The following HRH1 variants were observed in gnomAD, a reference collection of about 807,000 sequenced individuals.
The protein encoded by HRH1 is histamine H1 receptor.
HRH1 carries 6 observed loss-of-function variants against 10.3 expected under a neutral mutation model. The observed-to-expected ratio is 0.58, with a 90% CI of 0.32 to 1.15. HRH1 has a LOEUF of 1.15. Ranked by LOEUF, HRH1 falls within the 50% of genes most tolerant of loss-of-function variation. The pLI is 0.05. For synonymous variants in HRH1, 242 were observed against 236.7 expected (o/e 1.02, Z -0.21); for missense variants, 514 against 615.3 (o/e 0.84, Z 1.74).
At chr3:11,234,001 TC>T (rs781093255) in intron 1 of HRH1, among the ~76,000 whole-genome samples, 4 of 152,144 alleles carry the variant, frequency 2.6e-5, no homozygotes, top group Non-Finnish European at 4.4e-5. Context: ...GTGGCAAAAT[TC>T]AGGGCAATCT....
At position 11,245,897 on chromosome 3, in the gene HRH1, A is replaced by G. The variant is rs78328516; in HGVS notation, c.-35-13106A>G. Among the ~76,000 whole-genome samples the G allele has an allele frequency of 4.9e-3, 752 of 152,120 alleles. 8 individuals carry two copies. Among genetic ancestry groups the G allele is most frequent in the African/African-American group, 0.017 (711 of 41,502 alleles). ...CCCGAACTGTTTACTCAAGGTGCACATGCTCTCACACACACACTCTTAGAC... is the reference window on the plus strand; with the variant it reads ...CCCGAACTGTTTACTCAAGGTGCACGTGCTCTCACACACACACTCTTAGAC... On this transcript the variant is annotated intron_variant, in intron 1 of 1. Transcript: ENST00000431010.
intron 1 of HRH1, among the ~76,000 whole-genome samples, chr3:11,159,837 G>C (rs1430810413): frequency 1.3e-5 from 2 of 152,222 alleles, no homozygotes; most frequent in Non-Finnish European, 2.9e-5. Context: ...CTAACGTGGA[G>C]GGTAGGGAGG....
intron 1 of HRH1, among the ~76,000 whole-genome samples, chr3:11,251,959 G>A (rs1939664806): frequency 6.6e-6 from 1 of 152,204 alleles, no homozygotes; most frequent in Non-Finnish European, 1.5e-5. Context: ...GGTTGGGAGT[G>A]GCCTCCGTGC....
intron 1 of HRH1, among the ~76,000 whole-genome samples, chr3:11,169,068 G>C (rs770973747): frequency 2.6e-5 from 4 of 152,218 alleles, no homozygotes; most frequent in African/African-American, 9.6e-5. Flanking sequence ...GGGTGGTATA[G>C]TGATTAAAGG....
Position 11,247,299 on chromosome 3 carries a change from G to A in HRH1, c.-35-11704G>A, listed in dbSNP as rs928579124. Among the ~76,000 whole-genome samples, 8 of 152,160 alleles carry A rather than the reference G, an allele frequency of 5.3e-5. No homozygotes were observed. In the South Asian group the frequency reaches 6.2e-4, roughly 12 times the overall value. ...CTGGTGCCGCAAAGAAAAACAGCACGTAGGCAGAAAATTCCTCAGCAAGGC... is the reference window on the plus strand; with the variant it reads ...CTGGTGCCGCAAAGAAAAACAGCACATAGGCAGAAAATTCCTCAGCAAGGC... On this transcript the variant is annotated intron_variant, in intron 1 of 1. Coordinates refer to ENST00000431010, the MANE Select transcript of HRH1 (RefSeq NM_001098212.2).
intron 1 of HRH1, among the ~76,000 whole-genome samples, chr3:11,192,265 C>G (rs1000480221): frequency 2.0e-5 from 3 of 152,240 alleles, no homozygotes; most frequent in African/African-American, 7.2e-5. Flanking sequence ...CACCTTGAAG[C>G]CTCCTCATGC....
chr3:11,188,778 G>A (rs1552498), intron 1 of HRH1, among the ~76,000 whole-genome samples: 26,391 of 152,142 alleles, frequency 0.17, 2,663 homozygotes, highest in Admixed American at 0.31. Context: ...TCACAATGTC[G>A]TGTTTAGTGA....
chr3:11,161,073 A>G (rs1936913472), intron 1 of HRH1, among the ~76,000 whole-genome samples: 1 of 152,136 alleles, frequency 6.6e-6, no homozygotes, highest in African/African-American at 2.4e-5. Context: ...GCCAAACCCA[A>G]GAGAAGGGAA....
intron 1 of HRH1, among the ~76,000 whole-genome samples, chr3:11,191,614 T>A (rs1423547075): frequency 6.6e-6 from 1 of 152,174 alleles, no homozygotes; most frequent in African/African-American, 2.4e-5. Flanking sequence ...ACGGGAAAGA[T>A]AGTCAGTGCC....
At chr3:11,146,435 G>A (rs1936447599) in intron 1 of HRH1, among the ~76,000 whole-genome samples, 1 of 152,230 alleles carries the variant, frequency 6.6e-6, no homozygotes, top group South Asian at 2.1e-4. Context: ...AGCATCTCAG[G>A]GGCAACAAGA....
chr3:11,250,230 T>TTC (rs1348238849), intron 1 of HRH1, among the ~76,000 whole-genome samples: 1 of 139,924 alleles, frequency 7.1e-6, no homozygotes, highest in Non-Finnish European at 1.5e-5. Flanking sequence ...TTTTTTTTTT[T>TTC]TTGTATTTTT....
chr3:11,144,475 A>ATAGACATACGTCTATACG (rs1559249806), intron 1 of HRH1, among the ~76,000 whole-genome samples: 1 of 59,136 alleles, frequency 1.7e-5, no homozygotes, highest in Non-Finnish European at 3.8e-5. Context: ...ACATATAGAC[A>ATAGACATACGTCTATACG]TATATATACA....
chr3:11,178,770 C>T (rs543293327), intron 1 of HRH1, among the ~76,000 whole-genome samples: 140 of 152,178 alleles, frequency 9.2e-4, no homozygotes, highest in African/African-American at 3.1e-3. Context: ...CTGCTTTCTC[C>T]GAGAGCCCTT....
intron 1 of HRH1, among the ~76,000 whole-genome samples, chr3:11,169,117 C>A (rs7636608): frequency 6.6e-6 from 1 of 152,050 alleles, no homozygotes; most frequent in Non-Finnish European, 1.5e-5. Context: ...GTTTGAATCA[C>A]GGCTCTGCCA....
At chr3:11,176,786 T>G (rs1340104551) in intron 1 of HRH1, among the ~76,000 whole-genome samples, 1 of 152,240 alleles carries the variant, frequency 6.6e-6, no homozygotes, top group Admixed American at 6.5e-5. Flanking sequence ...TGCTTCATAC[T>G]TTACTTTTAA....
intron 1 of HRH1, among the ~76,000 whole-genome samples, chr3:11,141,267 T>C (rs1371588789): frequency 1.3e-5 from 2 of 152,144 alleles, no homozygotes; most frequent in Non-Finnish European, 2.9e-5. Context: ...ACTGGAAGGG[T>C]TAAATGAAAA....
intron 1 of HRH1, among the ~76,000 whole-genome samples, chr3:11,197,557 G>A (rs1029192388): frequency 1.3e-5 from 2 of 152,172 alleles, no homozygotes; most frequent in African/African-American, 2.4e-5. Context: ...TGACCTCAGT[G>A]CCAATTTGGA....
chr3:11,212,808 C>T (rs617156), intron 1 of HRH1, among the ~76,000 whole-genome samples: 134,651 of 152,132 alleles, frequency 0.89, 60,297 homozygotes, highest in East Asian at 1. Flanking sequence ...AACCGAAGTT[C>T]CTGCCATGAC....
At chr3:11,250,168 G>A (rs1939607702) in intron 1 of HRH1, among the ~76,000 whole-genome samples, 2 of 146,562 alleles carry the variant, frequency 1.4e-5, no homozygotes, top group African/African-American at 2.5e-5. Context: ...TCAGCCTCCC[G>A]AGTAGCTGGG....
Sources: allele counts gnomAD v4.1 joint callset (sites outside exome capture counted in the v4.1 genomes callset), GRCh38; gene constraint gnomAD v4.1.1; transcripts MANE v1.5; gene names NCBI Gene and HGNC (gene_info 2026-07-23, HGNC 2026-07-21).